MEF2C: variants seen among roughly 807,000 people sequenced by gnomAD.
MEF2C encodes the protein myocyte enhancer factor 2C, also known as myocyte-specific enhancer factor 2C.
A neutral mutation model predicts 50.5 loss-of-function variants in MEF2C; 6 were observed. The ratio of observed to expected loss-of-function variants is 0.12; its 90% confidence interval spans 0.07 to 0.23. The LOEUF (loss-of-function observed/expected upper bound fraction) is 0.23. Ranked by LOEUF, MEF2C falls within the 10% of genes least tolerant of loss-of-function variation. The pLI, the probability that MEF2C is intolerant of heterozygous loss-of-function variation, is 1.00. For synonymous variants in MEF2C, 183 were observed against 228.0 expected, an observed-to-expected ratio of 0.80 and a Z score of 1.78; for missense variants, 276 against 605.0, an observed-to-expected ratio of 0.46 and a Z score of 5.70.
intron 1 of MEF2C, among the ~76,000 whole-genome samples, chr5:88,831,411 C>T (rs1185953104): frequency 6.6e-6 from 1 of 151,302 alleles, no homozygotes; most frequent in Non-Finnish European, 1.5e-5. Context: ...ACTCTGCATT[C>T]AAATATTATG....
chr5:88,825,883 C>T (rs1431671560), intron 1 of MEF2C: 2 of 152,260 alleles, frequency 1.3e-5, no homozygotes, highest in Non-Finnish European at 2.9e-5. Flanking sequence ...GTGGCACTAT[C>T]GGCTTACAGG....
intron 1 of MEF2C, among the ~76,000 whole-genome samples, chr5:88,836,955 T>C (rs1438609050): frequency 1.5e-5 from 2 of 135,134 alleles, no homozygotes; most frequent in African/African-American, 5.6e-5. Flanking sequence ...TTCCCCAAAG[T>C]GGATTCCAGA....
At chr5:88,857,635 G>A (rs112210043) in intron 1 of MEF2C, among the ~76,000 whole-genome samples, 2,430 of 152,196 alleles carry the variant, frequency 0.016, 63 homozygotes, top group African/African-American at 0.055. Flanking sequence ...TAGTTCCCCC[G>A]TACTGTTCTC....
intron 1 of MEF2C, among the ~76,000 whole-genome samples, chr5:88,869,005 TTAC>T (rs915787515): frequency 7.2e-5 from 11 of 151,748 alleles, no homozygotes; most frequent in Admixed American, 5.3e-4. Flanking sequence ...TTAAGAAAAC[TTAC>T]TACAACAAGC....
At chr5:88,841,611 C>G (rs1166597919) in intron 1 of MEF2C, among the ~76,000 whole-genome samples, 1 of 151,582 alleles carries the variant, frequency 6.6e-6, no homozygotes, top group Non-Finnish European at 1.5e-5. Flanking sequence ...TGTTTTGTTT[C>G]TTAGTATCAA....
At chr5:88,765,397 G>C (rs1779611485) in intron 3 of MEF2C, among the ~76,000 whole-genome samples, 1 of 152,086 alleles carries the variant, frequency 6.6e-6, no homozygotes, top group Non-Finnish European at 1.5e-5. Context: ...TGGAAGTGAT[G>C]GCACAAACTT....
chr5:88,900,597 A>G (rs1051750346), intron 1 of MEF2C, among the ~76,000 whole-genome samples: 10 of 151,900 alleles, frequency 6.6e-5, no homozygotes, highest in Admixed American at 3.9e-4. Flanking sequence ...TAGTACATTT[A>G]TAGTCTTTGT....
At chr5:88,775,703 C>A in intron 3 of MEF2C, 1 of 591,962 alleles carries the variant, frequency 1.7e-6, no homozygotes, top group Non-Finnish European at 2.1e-6. Flanking sequence ...TTCACAAAAT[C>A]TCATTTCCCA....
chr5:88,769,577 A>G (rs1203488067), intron 3 of MEF2C, among the ~76,000 whole-genome samples: 4 of 152,224 alleles, frequency 2.6e-5, no homozygotes, highest in South Asian at 2.1e-4. Flanking sequence ...AAGAGAGAAC[A>G]TTTAATATAT....
At chr5:88,795,394 A>G (rs1795595645) in intron 3 of MEF2C, among the ~76,000 whole-genome samples, 1 of 151,962 alleles carries the variant, frequency 6.6e-6, no homozygotes, top group African/African-American at 2.4e-5. Context: ...GTATTTTATT[A>G]TCTTTGTAGC....
At chr5:88,744,239 C>A (rs1341648494) in intron 6 of MEF2C, 11 of 701,902 alleles carry the variant, frequency 1.6e-5, no homozygotes, top group Non-Finnish European at 1.9e-5. Context: ...TCATCAATAA[C>A]CACTCAGATT....
chr5:88,742,947 T>G lies in MEF2C; in HGVS notation c.637+6123A>C, dbSNP rs1767533707. On this transcript the variant is annotated intron_variant, in intron 6 of 10. Transcript: ENST00000504921. ...TTTGGGTTAAAAATATCATTGTTAC[T>G]TAATTTCATAAATAATAATAATAAA... is the stretch of plus-strand genomic sequence containing the variant. 5.1e-6 allele frequency: 5 copies of G among 973,728 alleles called. No homozygotes were observed. In the South Asian group the frequency reaches 1.9e-4, roughly 37 times the overall value. 60.3% of individuals were successfully genotyped at this position (973,728 alleles called of 1,614,324 possible). A position where few individuals can be genotyped will look rare whatever the true frequency, so the allele number is the denominator to read the frequency against.
intron 1 of MEF2C, among the ~76,000 whole-genome samples, chr5:88,875,526 G>A (rs1206245058): frequency 2.0e-5 from 3 of 151,762 alleles, no homozygotes; most frequent in Non-Finnish European, 2.9e-5. Flanking sequence ...ATATCTGATT[G>A]GGTCTGGGTG....
At chr5:88,883,863 C>T (rs1482279846), upstream of MEF2C, 1 of 152,222 alleles carries the variant, frequency 6.6e-6, no homozygotes, top group Admixed American at 6.5e-5. Context: ...CTCCACTACA[C>T]TACTTTAATT....
At chr5:88,838,805 T>G (rs1352386110) in intron 1 of MEF2C, 1 of 904,250 alleles carries the variant, frequency 1.1e-6, no homozygotes, top group Non-Finnish European at 1.3e-6. Flanking sequence ...AATCCTTCTA[T>G]TTACAGGGAA....
intron 1 of MEF2C, among the ~76,000 whole-genome samples, chr5:88,897,488 G>C (rs989364031): frequency 1.3e-4 from 20 of 152,258 alleles, no homozygotes; most frequent in African/African-American, 4.8e-4. Flanking sequence ...ACTCTCATAC[G>C]TTCCATAATA....
chr5:88,805,823 CTTTTTTTTTTTTTTTTTTT>C (rs869224140), intron 2 of MEF2C, among the ~76,000 whole-genome samples: 1 of 61,554 alleles, frequency 1.6e-5, no homozygotes. Flanking sequence ...CGTGAACATT[CTTTTTTTTTTTTTTTTTTT>C]TTTTTTTTGG....
chr5:88,855,378 C>G (rs748606210), intron 1 of MEF2C, among the ~76,000 whole-genome samples: 1 of 152,038 alleles, frequency 6.6e-6, no homozygotes, highest in Non-Finnish European at 1.5e-5. Context: ...TGATATACTT[C>G]TTTTAACGAT....
At chr5:88,741,294 G>T in intron 6 of MEF2C, 1 of 984,634 alleles carries the variant, frequency 1.0e-6, no homozygotes, top group Non-Finnish European at 1.2e-6. Flanking sequence ...TTATTAACAA[G>T]CACTTACTCT....
Sources: gnomAD v4.1 joint callset for allele counts (sites outside exome capture counted in the v4.1 genomes callset) on GRCh38, gnomAD v4.1.1 for gene constraint, MANE v1.5 for transcripts, NCBI Gene and HGNC (gene_info 2026-07-23, HGNC 2026-07-21) for gene names.